SLC9C2: variants seen among roughly 807,000 people sequenced by gnomAD.
The protein encoded by SLC9C2 is solute carrier family 9 member C2 (putative).
SLC9C2 carries 75 observed loss-of-function variants against 140.2 expected under a neutral mutation model. The ratio of observed to expected loss-of-function variants is 0.53; its 90% CI spans 0.44 to 0.65. The LOEUF (loss-of-function observed/expected upper bound fraction) is 0.65. Among genes scored for constraint, SLC9C2 ranks in the 30% least tolerant of loss-of-function variants. The pLI, the probability that SLC9C2 is intolerant of heterozygous loss-of-function variation, is 0.00. For missense variants in SLC9C2, 1,074 were observed against 1,331.8 expected (o/e 0.81, Z 3.01); for synonymous variants, 375 against 420.9 (o/e 0.89, Z 1.34).
intron 4 of SLC9C2, among the ~76,000 whole-genome samples, chr1:173,589,698 G>A (rs115678523): frequency 0.014 from 2,134 of 152,298 alleles, 26 homozygotes; most frequent in Middle Eastern, 0.044. Context: ...GGCATCAAAA[G>A]TAGAGGGATG....
At position 173,576,740 on chromosome 1, in the gene SLC9C2, C is replaced by T. The variant is rs751515379; in HGVS notation, c.823G>A (p.Gly275Ser). ...CCTACAGCGGCTAAGGCAAGAGTGC[C>T]TGACATTCCTAAAAATTCCACTGGG... The part of the protein sequence containing the change: ...FYIVEFLGMS[G>S]TLALAAVGLN... The change falls in exon 8 of 28, where the codon GGC (glycine) becomes AGC (serine). Residue 275 changes from glycine (G) to serine (S), a missense_variant. Physicochemically the swap from Gly to Ser is moderately conservative, Grantham distance 56. Transcript: ENST00000367714. The T allele has an allele frequency of 6.2e-7, 1 of 1,602,008 alleles. No homozygotes were observed. Among genetic ancestry groups the T allele is most frequent in the South Asian group, 1.1e-5 (1 of 87,828 alleles).
chr1:173,504,726 C>T (rs559609669), intron 26 of SLC9C2, among the ~76,000 whole-genome samples: 1 of 152,256 alleles, frequency 6.6e-6, no homozygotes, highest in African/African-American at 2.4e-5. Flanking sequence ...TGCTTAGCAC[C>T]ATGATGCATG....
At chr1:173,503,134 A>G (rs1659396407) in intron 27 of SLC9C2, 132 bp downstream of exon 27, 3 of 601,806 alleles carry the variant, frequency 5.0e-6, no homozygotes, top group Non-Finnish European at 8.5e-6. Context: ...AATTTGTCCA[A>G]ATTAATGAGT....
chr1:173,576,627 T>C, intron 8 of SLC9C2, 34 bp downstream of exon 8: 1 of 1,389,640 alleles, frequency 7.2e-7, no homozygotes, highest in Non-Finnish European at 1.0e-6. Context: ...TAAACTGCTA[T>C]GAGATCCATC....
At chr1:173,596,826 C>A (rs1232973415) in intron 4 of SLC9C2, 2 of 151,462 alleles carry the variant, frequency 1.3e-5, no homozygotes, top group Non-Finnish European at 3.0e-5. Context: ...TGATTTAAGG[C>A]AAAAAGCATT....
intron 5 of SLC9C2, among the ~76,000 whole-genome samples, chr1:173,585,168 C>A (rs979887120): frequency 6.6e-6 from 1 of 152,242 alleles, no homozygotes; most frequent in Admixed American, 6.5e-5. Context: ...TAAGCGCTTA[C>A]ACTCTTTTAA....
intron 9 of SLC9C2, 87 bp downstream of exon 9, chr1:173,573,094 CT>C: frequency 1.0e-6 from 1 of 970,024 alleles, no homozygotes; most frequent in Non-Finnish European, 1.5e-6. Flanking sequence ...GTCCAGAGCC[CT>C]TTTTGCTGTA....
chr1:173,584,668 T>C (rs1224256043), intron 5 of SLC9C2, among the ~76,000 whole-genome samples: 1 of 152,156 alleles, frequency 6.6e-6, no homozygotes, highest in Non-Finnish European at 1.5e-5. Flanking sequence ...ATTTCTTGGG[T>C]TGCAGTTTAT....
Position 173,517,598 on chromosome 1 carries a change from T to A in SLC9C2, c.2846A>T (p.Glu949Val). Reference sequence around the variant, plus strand: ...TTCACGCTTAAGCAGACAGCTTAGCTCTCCAATTATGTCCCCAGTAGTACA... The same window carrying A: ...TTCACGCTTAAGCAGACAGCTTAGCACTCCAATTATGTCCCCAGTAGTACA... ...EFCTTGDIIGELSCLLKREIE... is the reference protein window; with the variant it reads ...EFCTTGDIIGVLSCLLKREIE... Residue 949 changes from glutamate (E) to valine (V), a missense_variant, in exon 23 of 28, where the codon GAG (glutamate) becomes GTG (valine). Coordinates refer to ENST00000367714, the MANE Select transcript of SLC9C2 (RefSeq NM_178527.4). The A allele has an allele frequency of 6.2e-7, 1 of 1,613,892 alleles. No individual in the cohort carries two copies.
chr1:173,540,468 T>G lies in SLC9C2; in HGVS notation c.1558-3429A>C, dbSNP rs1290442579. Among the ~76,000 whole-genome samples, 2 of 152,134 alleles carry G rather than the reference T, an allele frequency of 1.3e-5. 1 individual carries two copies. Among genetic ancestry groups the G allele is most frequent in the African/African-American group, 4.8e-5 (2 of 41,434 alleles). On this transcript the variant is annotated intron_variant, in intron 13 of 27. Transcript: ENST00000367714. ...AGAGCCTCCAGAAATTAAAACATAC[T>G]GCATTAGCTTTGGAACTGGGTGGTG...
chr1:173,598,398 G>A (rs1192644474), intron 3 of SLC9C2, among the ~76,000 whole-genome samples: 1 of 152,116 alleles, frequency 6.6e-6, no homozygotes, highest in Admixed American at 6.5e-5. Flanking sequence ...ATTTCAATTT[G>A]CTTTAGATGA....
intron 11 of SLC9C2, among the ~76,000 whole-genome samples, chr1:173,552,430 A>G (rs1021057228): frequency 1.3e-5 from 2 of 152,232 alleles, no homozygotes; most frequent in Admixed American, 6.5e-5. Flanking sequence ...TTTCATTACT[A>G]AAAAGGAAAA....
chr1:173,526,753 C>A, intron 18 of SLC9C2, 39 bp from the exon 19 acceptor site: 1 of 1,342,760 alleles, frequency 7.4e-7, no homozygotes, highest in South Asian at 1.3e-5. Flanking sequence ...TCTTATTATT[C>A]ATATAGTTTC....
At chr1:173,577,187 G>A (rs1478611430) in intron 7 of SLC9C2, among the ~76,000 whole-genome samples, 1 of 152,118 alleles carries the variant, frequency 6.6e-6, no homozygotes, top group Admixed American at 6.5e-5. Context: ...CCCAAGAGTC[G>A]CAGTTTGCCA....
intron 21 of SLC9C2, among the ~76,000 whole-genome samples, chr1:173,521,820 G>A (rs16846103): frequency 7.2e-6 from 1 of 139,696 alleles, no homozygotes; most frequent in African/African-American, 2.6e-5. Context: ...TTTTAGTTAT[G>A]TTGGGTAGAT....
intron 27 of SLC9C2, among the ~76,000 whole-genome samples, chr1:173,502,272 CA>C (rs34183286): frequency 0.031 from 1,275 of 40,714 alleles, 3 homozygotes; most frequent in African/African-American, 0.083. Context: ...GATTCCATCT[CA>C]AAAAAAAAAA....
intron 24 of SLC9C2, 104 bp downstream of exon 24, chr1:173,509,464 C>T: frequency 9.3e-7 from 1 of 1,070,920 alleles, no homozygotes; most frequent in Non-Finnish European, 1.3e-6. Context: ...AAAAATCAAA[C>T]ACAAATTTCC....
intron 24 of SLC9C2, among the ~76,000 whole-genome samples, chr1:173,507,859 C>T (rs1659766610): frequency 6.6e-6 from 1 of 152,146 alleles, no homozygotes; most frequent in Non-Finnish European, 1.5e-5. Context: ...AACTGTGAAA[C>T]GATGCATTTC....
chr1:173,602,035 G>A (rs183064379), intron 1 of SLC9C2, among the ~76,000 whole-genome samples, 180 bp from the exon 2 acceptor site: 1 of 152,112 alleles, frequency 6.6e-6, no homozygotes, highest in Non-Finnish European at 1.5e-5. Context: ...TAACAGCAGT[G>A]TTAGTGTTTA....
Sources: gnomAD v4.1 joint callset for allele counts (sites outside exome capture counted in the v4.1 genomes callset) on GRCh38, gnomAD v4.1.1 for gene constraint, MANE v1.5 for transcripts, NCBI Gene and HGNC (gene_info 2026-07-23, HGNC 2026-07-21) for gene names.